Variants in NES observed in about 807,000 individuals in gnomAD.
The protein encoded by NES is nestin.
NES carries 27 observed loss-of-function variants against 35.6 expected under a neutral mutation model. That is an observed-to-expected ratio of 0.76 (90% CI 0.56 to 1.04). The LOEUF (loss-of-function observed/expected upper bound fraction) is 1.04. Ranked by LOEUF, NES falls within the 50% of genes least tolerant of loss-of-function variation. The probability of loss-of-function intolerance (pLI) is 0.00; values close to 1 mark genes in which losing one functional copy is unlikely to be tolerated. For missense variants in NES, 1,867 were observed against 1,983.6 expected (o/e 0.94, Z 1.12); for synonymous variants, 822 against 824.2 (o/e 1.00, Z 0.04).
chr1:156,673,348 G>A (rs1162879291), intron 3 of NES, 106 bp downstream of exon 3: 1 of 1,333,262 alleles, frequency 7.5e-7, no homozygotes, highest in East Asian at 2.3e-5. Context: ...ACTGACACTG[G>A]AGGCCACGGA....
rs1258784933 is a variant in NES, at chr1:156,676,984, C to T, written c.281G>A (p.Arg94Gln). 4 of 1,567,268 alleles carry T rather than the reference C, an allele frequency of 2.6e-6. No individual in the cohort carries two copies. The highest frequency in any genetic ancestry group is 1.4e-5 in the African/African-American group (1 of 72,734). Residue 94 changes from arginine (R) to glutamine (Q), a missense_variant, in exon 1 of 4, where the codon CGA becomes CAA. Arg to Gln is a conservative substitution (Grantham distance 43, BLOSUM62 1). Transcript: ENST00000368223. The surrounding 1 kb of genome is among the most constrained non-coding windows in gnomAD (Gnocchi z 5.3). ...CCGGGCCAGCCGCAGCTGCTGGCAT[C>T]GGCCTGCCACGCCCTCCAGCTCTTC... ...LAEELEGVAG[R>Q]CQQLRLARER... is the part of the protein sequence containing the mutation.
intron 1 of NES, 100 bp from the exon 2 acceptor site, chr1:156,675,440 C>T: frequency 7.2e-7 from 1 of 1,379,652 alleles, no homozygotes. Context: ...GCACCTCCTG[C>T]TCCCTGGCTG....
Position 156,677,012 on chromosome 1 carries a change from C to G in NES, c.253G>C (p.Ala85Pro). Residue 85 changes from alanine (A) to proline (P), a missense_variant, in exon 1 of 4, where the codon GCT becomes CCT. By Grantham distance (27) the Ala-to-Pro change is conservative. Transcript: ENST00000368223. The surrounding 1 kb of genome is among the most constrained non-coding windows in gnomAD (Gnocchi z 4.5). The stretch of plus-strand genomic sequence containing the variant: ...CCTGCCACGCCCTCCAGCTCTTCAG[C>G]CAGGTTGTCGCGCGCCACCTCGGCC... ...HAAEVARDNL[A>P]EELEGVAGRC... is the part of the protein sequence containing the mutation. 1 of 1,587,814 alleles carries G rather than the reference C, an allele frequency of 6.3e-7. No homozygotes were observed. The highest frequency in any genetic ancestry group is 8.5e-7 in the Non-Finnish European group (1 of 1,171,586).
Position 156,670,485 on chromosome 1 carries a change from G to T in NES, c.3703C>A (p.Pro1235Thr). 1.3e-6 allele frequency: 2 copies of T among 1,582,124 alleles called. No homozygotes were observed. Among genetic ancestry groups the T allele is most frequent in the East Asian group, 2.2e-5 (1 of 44,510 alleles). ...TGACTCCCTTCAGCCTGAGGCTGAG[G>T]CCCAGGGGCATCTTCCAGGATCGGG... ...YTPILEDAPG[P>T]QPQAEGSQEA... The change falls in exon 4 of 4, where the codon CCT becomes ACT. Residue 1235 changes from proline (P) to threonine (T), a missense_variant. Physicochemically the swap from Pro to Thr is conservative, Grantham distance 38. Transcript: ENST00000368223.
rs74118730 is a variant in NES, at chr1:156,669,792, T to C, written c.4396A>G (p.Ser1466Gly). 3,613 of 1,613,966 alleles carry C rather than the reference T, an allele frequency of 2.2e-3. 72 individuals are homozygous for C. In the African/African-American group the frequency reaches 0.042, roughly 19 times the overall value. Residue 1466 changes from serine to glycine, a missense_variant, in exon 4 of 4, where the codon AGT becomes GGT. Ser to Gly is a moderately conservative substitution (Grantham distance 56). Transcript: ENST00000368223. ...EFLESDSVSV[S>G]VPWDDSLRGA... is the part of the protein sequence containing the mutation. ...CTCAAGCTGTCATCCCAGGGGACAC[T>C]GACACTCACAGAATCAGACTCCAGG...
In NES at chr1:156,677,361, C is replaced by G; in HGVS notation, c.-97G>C. 18 of 247,786 alleles carry G rather than the reference C, an allele frequency of 7.3e-5. No homozygotes were observed. The highest frequency in any genetic ancestry group is 1.9e-4 in the South Asian group (6 of 31,160). 15.3% of individuals were successfully genotyped at this position (247,786 alleles called of 1,614,324 possible). A position where few individuals can be genotyped will look rare whatever the true frequency, so the allele number is the denominator to read the frequency against. The stretch of plus-strand genomic sequence containing the variant: ...TAGGACGGAAGAGAAAAGAGACCGA[C>G]GGGGACAATGACGGGGCGGGGCGGG... On this transcript the variant is annotated 5_prime_UTR_variant, in exon 1 of 4. Coordinates refer to ENST00000368223, the MANE Select transcript of NES (RefSeq NM_006617.2). This position sits in a 1 kb window ranked among gnomAD's most constrained non-coding sequence, Gnocchi z 4.5.
At position 156,674,453 on chromosome 1, in the gene NES, A is replaced by G. The variant is rs146364194; in HGVS notation, c.908+763T>C. The stretch of plus-strand genomic sequence containing the variant: ...CTCCCCAGAGCCTCACTGACCTTCC[A>G]TCTCTGGGCCTTGCCTCTCCTCCTT... On this transcript the variant is annotated intron_variant, in intron 2 of 3. Transcript: ENST00000368223. 4.3e-3 allele frequency among the ~76,000 whole-genome samples: 649 copies of G among 151,348 alleles called. 1 individual carries two copies. Among genetic ancestry groups the G allele is most frequent in the African/African-American group, 0.015 (610 of 41,160 alleles).
Position 156,676,576 on chromosome 1 carries a change from G to A in NES, c.689C>T (p.Ala230Val). ...EGRLELQQLQ[A>V]ERGGLLERRA... ...GCGCTCCAGGAGGCCTCCGCGCTCA[G>A]CCTGGAGCTGCTGCAGCTCCAGGCG... The change falls in exon 1 of 4, where the codon GCT becomes GTT. Residue 230 changes from alanine (A) to valine (V), a missense_variant. Transcript: ENST00000368223. This position sits in a 1 kb window ranked among gnomAD's most constrained non-coding sequence, Gnocchi z 5.3. 1 of 1,585,364 alleles carries A rather than the reference G, an allele frequency of 6.3e-7. No homozygotes were observed. The highest frequency in any genetic ancestry group is 8.5e-7 in the Non-Finnish European group (1 of 1,173,534).
Position 156,671,871 on chromosome 1 carries a change from C to T in NES, c.2317G>A (p.Asp773Asn), listed in dbSNP as rs1414837283. The stretch of plus-strand genomic sequence containing the variant: ...TCTGGGGGTCTTAATGTCATCTGAT[C>T]CTGTTCCCCTAGAGACCTCCGTCGC... ...QQRRRSLGEQ[D>N]QMTLRPPEKV... Residue 773 changes from aspartate (D) to asparagine (N), a missense_variant, in exon 4 of 4, where the codon GAT (aspartate) becomes AAT (asparagine). Physicochemically the swap from Asp to Asn is conservative, Grantham distance 23. Coordinates refer to ENST00000368223, the MANE Select transcript of NES (RefSeq NM_006617.2). The T allele has an allele frequency of 6.2e-7, 1 of 1,613,984 alleles. No homozygotes were observed. Among genetic ancestry groups the T allele is most frequent in the Admixed American group, 1.7e-5 (1 of 59,984 alleles).
Position 156,677,342 on chromosome 1 carries a change from G to T in NES, c.-78C>A. The T allele has an allele frequency of 1.1e-6, 1 of 893,314 alleles. No homozygotes were observed. 55.3% of individuals were successfully genotyped at this position (893,314 alleles called of 1,614,324 possible). A position where few individuals can be genotyped will look rare whatever the true frequency, so the allele number is the denominator to read the frequency against. ...GAGCGGCTCGCAGAGCTTTTAGGACGGAAGAGAAAAGAGACCGACGGGGAC... is the reference window on the plus strand; with the variant it reads ...GAGCGGCTCGCAGAGCTTTTAGGACTGAAGAGAAAAGAGACCGACGGGGAC... On this transcript the variant is annotated 5_prime_UTR_variant, in exon 1 of 4. Coordinates refer to ENST00000368223, the MANE Select transcript of NES (RefSeq NM_006617.2). The surrounding 1 kb of genome is among the most constrained non-coding windows in gnomAD (Gnocchi z 4.5).
intron 1 of NES, among the ~76,000 whole-genome samples, chr1:156,675,616 C>G (rs955524918): frequency 2.6e-5 from 4 of 152,100 alleles, no homozygotes; most frequent in African/African-American, 4.8e-5. Flanking sequence ...ACATGTTGCT[C>G]AGAACACAGC....
At position 156,677,037 on chromosome 1, in the gene NES, C is replaced by T. The variant is rs772640410; in HGVS notation, c.228G>A (p.Ala76=). The T allele has an allele frequency of 6.3e-7, 1 of 1,585,080 alleles. No homozygotes were observed. The highest frequency in any genetic ancestry group is 8.6e-7 in the Non-Finnish European group (1 of 1,168,788). ...CCAGGTTGTCGCGCGCCACCTCGGCCGCGTGCTTCTCCCGCCAGCGTTGGT... is the reference window on the plus strand; with the variant it reads ...CCAGGTTGTCGCGCGCCACCTCGGCTGCGTGCTTCTCCCGCCAGCGTTGGT... ...LVDQRWREKH[A]AEVARDNLAE... The change falls in exon 1 of 4, where the codon GCG becomes GCA. Residue 76 remains alanine (A), a synonymous_variant. Coordinates refer to ENST00000368223, the MANE Select transcript of NES (RefSeq NM_006617.2). The surrounding 1 kb of genome is among the most constrained non-coding windows in gnomAD (Gnocchi z 4.5).
chr1:156,673,638 T>C, intron 2 of NES, 111 bp from the exon 3 acceptor site: 1 of 659,866 alleles, frequency 1.5e-6, no homozygotes, highest in East Asian at 2.8e-5. Context: ...CCCTGCAGGC[T>C]TCCTCTTCAT....
At position 156,676,195 on chromosome 1, in the gene NES, G is replaced by A. The variant is rs568780240; in HGVS notation, c.783+287C>T. ...AGCCTGGGAAGGGACCCGGAGCCCC[G>A]GTCATCATCAGAGCCAGAAGGTGCC... On this transcript the variant is annotated intron_variant, in intron 1 of 3. Coordinates refer to ENST00000368223, the MANE Select transcript of NES (RefSeq NM_006617.2). This position sits in a 1 kb window ranked among gnomAD's most constrained non-coding sequence, Gnocchi z 5.3. Among the ~76,000 whole-genome samples, 1 of 152,340 alleles carries A rather than the reference G, an allele frequency of 6.6e-6. No homozygotes were observed. Among genetic ancestry groups the A allele is most frequent in the Non-Finnish European group, 1.5e-5 (1 of 68,030 alleles).
chr1:156,675,849 G>C (rs1298125460), intron 1 of NES, among the ~76,000 whole-genome samples: 1 of 152,068 alleles, frequency 6.6e-6, no homozygotes, highest in African/African-American at 2.4e-5. Context: ...TTTCCCACAT[G>C]TTCTGGATTC....
Position 156,676,842 on chromosome 1 carries a change from G to A in NES, c.423C>T (p.Arg141=). 2.0e-6 allele frequency: 3 copies of A among 1,477,036 alleles called. No homozygotes were observed. The highest frequency in any genetic ancestry group is 2.7e-6 in the Non-Finnish European group (3 of 1,127,648). 91.5% of individuals were successfully genotyped at this position (1,477,036 alleles called of 1,614,324 possible). ...CGACGCGCTCCTCCTCGTGCGCCAC[G>A]CGTAGAGCCTCTAGCTCGCGCTCCA... ...AELERELEAL[R]VAHEEERVGL... Residue 141 remains arginine (R), a synonymous_variant, in exon 1 of 4, where the codon CGC becomes CGT. Coordinates refer to ENST00000368223, the MANE Select transcript of NES (RefSeq NM_006617.2). This position sits in a 1 kb window ranked among gnomAD's most constrained non-coding sequence, Gnocchi z 5.3.
rs374883678 is a variant in NES, at chr1:156,671,040, C to T, written c.3148G>A (p.Ala1050Thr). Residue 1050 changes from alanine (A) to threonine (T), a missense_variant, in exon 4 of 4, where the codon GCC becomes ACC. Transcript: ENST00000368223. Reference sequence around the variant, plus strand: ...CCCTGGGGAGCCTGGAGGCCTGGGGCCCCCACCTGTTGTGATTGCCCTTCA... The same window carrying T: ...CCCTGGGGAGCCTGGAGGCCTGGGGTCCCCACCTGTTGTGATTGCCCTTCA... ...DPEGQSQQVG[A>T]PGLQAPQGLP... 6.2e-6 allele frequency: 10 copies of T among 1,613,090 alleles called. No homozygotes were observed. The East Asian group carries it at 1.1e-4, about 18-fold the overall frequency.
At position 156,674,776 on chromosome 1, in the gene NES, C is replaced by T. The variant is rs375327499; in HGVS notation, c.908+440G>A. On this transcript the variant is annotated intron_variant, in intron 2 of 3. Transcript: ENST00000368223. ...CCCAGCCCAGCCCTCAGCCCCTAGA[C>T]GAGGCTGAGGCCCAGGTCAGGTGGC... Among the ~76,000 whole-genome samples, 29 of 152,340 alleles carry T rather than the reference C, an allele frequency of 1.9e-4. No homozygotes were observed. In the South Asian group the frequency reaches 5.0e-3, roughly 26 times the overall value.
At position 156,672,296 on chromosome 1, in the gene NES, T is replaced by C; in HGVS notation, c.1892A>G (p.Glu631Gly). ...DTQTLQSLQKENQELMKSLEG... is the reference protein window; with the variant it reads ...DTQTLQSLQKGNQELMKSLEG... The stretch of plus-strand genomic sequence containing the variant: ...AAGAGATTTCATTAGTTCTTGATTC[T>C]CCTTTTGCAGGGATTGCAATGTCTG... The change falls in exon 4 of 4, where the codon GAG (glutamate) becomes GGG (glycine). Residue 631 changes from glutamate to glycine, a missense_variant. By Grantham distance (98) the Glu-to-Gly change is moderately conservative. Transcript: ENST00000368223. The C allele has an allele frequency of 6.2e-7, 1 of 1,603,584 alleles. No individual in the cohort carries two copies. Among genetic ancestry groups the C allele is most frequent in the Non-Finnish European group, 8.5e-7 (1 of 1,177,066 alleles).
Sources: allele counts gnomAD v4.1 joint callset (sites outside exome capture counted in the v4.1 genomes callset), GRCh38; gene constraint gnomAD v4.1.1; non-coding constraint Gnocchi (gnomAD v3.1); transcripts MANE v1.5; gene names NCBI Gene and HGNC (gene_info 2026-07-23, HGNC 2026-07-21).